INO80: variants seen among roughly 807,000 people sequenced by gnomAD.
INO80 encodes INO80 complex ATPase subunit, also known as chromatin-remodeling ATPase INO80.
INO80 carries 20 observed loss-of-function variants against 203.4 expected under a neutral mutation model. The observed-to-expected ratio is 0.10, with a 90% CI of 0.07 to 0.14. The LOEUF is 0.14. INO80 is among the 10% of genes least tolerant of loss of function. INO80 has a pLI of 1.00. For missense variants in INO80, 1,419 were observed against 1,914.4 expected, an observed-to-expected ratio of 0.74 and a Z score of 4.83; for synonymous variants, 726 against 685.2, an observed-to-expected ratio of 1.06 and a Z score of -0.93.
In INO80 at chr15:41,073,413, T is replaced by G. The variant is rs776256903; in HGVS notation, c.1395+15A>C. ...CAGGGCCAATTACAGTAAACCTTTCTATCTGAAGACTCACCCGAGCTTGGT... is the reference window on the plus strand; with the variant it reads ...CAGGGCCAATTACAGTAAACCTTTCGATCTGAAGACTCACCCGAGCTTGGT... On this transcript the variant is annotated intron_variant, in intron 11 of 35. Transcript: ENST00000648947. 1.2e-6 allele frequency: 2 copies of G among 1,610,830 alleles called. No individual in the cohort carries two copies. Among genetic ancestry groups the G allele is most frequent in the South Asian group, 1.1e-5 (1 of 91,014 alleles).
chr15:41,027,459 T>C, intron 25 of INO80, 137 bp downstream of exon 25: 1 of 735,974 alleles, frequency 1.4e-6, no homozygotes, highest in Non-Finnish European at 2.1e-6. Context: ...ATGCCCACAT[T>C]TTAAAATACT....
chr15:41,082,020 C>A (rs150712086), intron 7 of INO80, among the ~76,000 whole-genome samples: 45 of 149,512 alleles, frequency 3.0e-4, no homozygotes, highest in African/African-American at 1.1e-3. Context: ...GAGGCCGAGG[C>A]GGGTGGATCA....
At chr15:41,092,289 T>A (rs764114313) in intron 4 of INO80, 107 bp from the exon 5 acceptor site, 1 of 795,914 alleles carries the variant, frequency 1.3e-6, no homozygotes, top group East Asian at 2.7e-5. Context: ...AGCAGAAAGA[T>A]AGTCACTCCA....
At chr15:41,059,749 T>C in intron 15 of INO80, 118 bp downstream of exon 15, 1 of 602,514 alleles carries the variant, frequency 1.7e-6, no homozygotes, top group Non-Finnish European at 2.8e-6. Flanking sequence ...ACTTGATCAG[T>C]GTCCAGAAAT....
At chr15:41,110,081 G>A (rs66818965) in intron 1 of INO80, among the ~76,000 whole-genome samples, 82,638 of 150,092 alleles carry the variant, frequency 0.55, 24,339 homozygotes, top group African/African-American at 0.78. Flanking sequence ...GGCAACAAGC[G>A]AAACTCCGTC....
chr15:41,012,292 C>T (rs772626419), intron 27 of INO80, among the ~76,000 whole-genome samples: 1 of 152,106 alleles, frequency 6.6e-6, no homozygotes, highest in Admixed American at 6.6e-5. Context: ...GGTGGCCAGG[C>T]GTGGTGGCTC....
chr15:41,042,994 A>G (rs951512970), intron 24 of INO80, among the ~76,000 whole-genome samples: 4 of 152,228 alleles, frequency 2.6e-5, no homozygotes, highest in African/African-American at 9.6e-5. Flanking sequence ...ATGAGTAAAT[A>G]TAAGTGAATC....
intron 1 of INO80, among the ~76,000 whole-genome samples, chr15:41,099,401 T>C (rs1479586541): frequency 6.6e-6 from 1 of 151,996 alleles, no homozygotes; most frequent in African/African-American, 2.4e-5. Context: ...ATTCAAAATA[T>C]ACTGAACTGT....
rs368535813 is a variant in INO80 at position 41,051,128 on chromosome 15, C to CAAAAAAAAAAAAAAAAAAAA, written c.2275-1027_2275-1026insTTTTTTTTTTTTTTTTTTTT. On this transcript the variant is annotated intron_variant, in intron 19 of 35. Transcript: ENST00000648947. ...TGGGTGACAGAATGAGACTCCATCT[C>CAAAAAAAAAAAAAAAAAAAA]AAAAAAAAAAAAAAAGAAAGTTCTC... Among the ~76,000 whole-genome samples the CAAAAAAAAAAAAAAAAAAAA allele has an allele frequency of 1.3e-3, 100 of 78,316 alleles. 6 individuals carry two copies. The highest frequency in any genetic ancestry group is 1.8e-3 in the Non-Finnish European group (78 of 43,178). 51.4% of individuals were successfully genotyped at this position (78,316 alleles called of 152,430 possible).
chr15:41,059,876 G>A lies in INO80; in HGVS notation c.1833C>T (p.Phe611=), dbSNP rs147454171. ...TTAAGTAGAATGTTACCTGACTCCA[G>A]AACCTTCTGATGACTTTTCTATCAT... The part of the protein sequence containing the change: ...NPHDRKVIRR[F]WSQKTLYTQD... Residue 611 remains phenylalanine (F), a synonymous_variant, in exon 15 of 36, where the codon TTC becomes TTT. Coordinates refer to ENST00000648947, the MANE Select transcript of INO80 (RefSeq NM_017553.3). The A allele has an allele frequency of 6.2e-4, 1,004 of 1,610,230 alleles. 1 individual carries two copies. Among genetic ancestry groups the A allele is most frequent in the Non-Finnish European group, 8.2e-4 (965 of 1,176,956 alleles).
intron 25 of INO80, among the ~76,000 whole-genome samples, chr15:41,025,145 A>C (rs1301341601): frequency 1.3e-5 from 2 of 152,226 alleles, no homozygotes; most frequent in Non-Finnish European, 2.9e-5. Flanking sequence ...GCTTGCCAAC[A>C]CATGTTCACA....
At chr15:41,109,757 C>T (rs1281169715) in intron 1 of INO80, among the ~76,000 whole-genome samples, 1 of 151,830 alleles carries the variant, frequency 6.6e-6, no homozygotes. Flanking sequence ...CATGGTGAAA[C>T]CCCATCTCTA....
chr15:41,015,207 T>A (rs2044185515), intron 27 of INO80, among the ~76,000 whole-genome samples: 1 of 152,184 alleles, frequency 6.6e-6, no homozygotes, highest in Non-Finnish European at 1.5e-5. Flanking sequence ...TCATATCTTT[T>A]CCACTAACTT....
At chr15:41,040,400 C>A (rs888094523) in intron 24 of INO80, among the ~76,000 whole-genome samples, 3 of 152,100 alleles carry the variant, frequency 2.0e-5, no homozygotes, top group Non-Finnish European at 4.4e-5. Flanking sequence ...TGGAAGAGAA[C>A]AGAGTTCAGA....
At chr15:40,997,263 G>C (rs1480204297) in intron 29 of INO80, among the ~76,000 whole-genome samples, 4 of 152,130 alleles carry the variant, frequency 2.6e-5, no homozygotes, top group African/African-American at 9.7e-5. Flanking sequence ...GGGCAACAGA[G>C]TGAGGCCCCA....
At chr15:41,063,497 G>A (rs568234795) in intron 14 of INO80, among the ~76,000 whole-genome samples, 149 of 152,092 alleles carry the variant, frequency 9.8e-4, no homozygotes, top group African/African-American at 3.5e-3. Flanking sequence ...CTTAAGGTCG[G>A]GCACGGTGGC....
chr15:41,005,079 C>G (rs2044017692), intron 28 of INO80, among the ~76,000 whole-genome samples: 1 of 151,390 alleles, frequency 6.6e-6, no homozygotes, highest in African/African-American at 2.4e-5. Flanking sequence ...TCTGTAATCC[C>G]AGCTACTTGG....
chr15:41,031,563 A>AGGGAGGAAGGGAGGAAGGGAGGG (rs1566919101), intron 24 of INO80, among the ~76,000 whole-genome samples: 9 of 880 alleles, frequency 0.01, 3 homozygotes, highest in Admixed American at 0.1. Flanking sequence ...GGAAGGGAGG[A>AGGGAGGAAGGGAGGAAGGGAGGG]AGGGAGGAAG....
At chr15:41,029,366 T>G (rs1402054584) in intron 24 of INO80, among the ~76,000 whole-genome samples, 4 of 152,242 alleles carry the variant, frequency 2.6e-5, no homozygotes, top group African/African-American at 9.6e-5. Flanking sequence ...AGTTGTCTAG[T>G]ACGACATATG....
Sources: gnomAD v4.1 joint callset for allele counts (sites outside exome capture counted in the v4.1 genomes callset) on GRCh38, gnomAD v4.1.1 for gene constraint, MANE v1.5 for transcripts, NCBI Gene and HGNC (gene_info 2026-07-23, HGNC 2026-07-21) for gene names.